IRAK1BP1: variants seen among roughly 807,000 people sequenced by gnomAD.
IRAK1BP1 encodes the protein interleukin 1 receptor associated kinase 1 binding protein 1.
IRAK1BP1 carries 24 observed loss-of-function variants against 28.0 expected under a neutral mutation model. That is an observed-to-expected ratio of 0.86 (90% CI 0.62 to 1.20). The LOEUF is 1.20. IRAK1BP1 is among the 50% of genes most tolerant of loss of function. The pLI is 0.00. For missense variants in IRAK1BP1, 336 were observed against 316.7 expected, an observed-to-expected ratio of 1.06 and a Z score of -0.46; for synonymous variants, 131 against 116.3, an observed-to-expected ratio of 1.13 and a Z score of -0.81.
At chr6:78,947,800 TTATGA>T (rs770571493), downstream of IRAK1BP1, 4 of 1,547,956 alleles carry the variant, frequency 2.6e-6, no homozygotes, top group South Asian at 4.6e-5. Context: ...ACAGGTGGTG[TTATGA>T]TTATTACTAC....
the IRAK1BP1 span, among the ~76,000 whole-genome samples, chr6:78,977,256 C>G: frequency 2.0e-5 from 3 of 151,208 alleles, no homozygotes; most frequent in Non-Finnish European, 4.4e-5. Context: ...AACCATCATT[C>G]TCAGTAAACT....
At chr6:78,923,437 C>G (rs569932866) in intron 4 of IRAK1BP1, among the ~76,000 whole-genome samples, 11 of 152,260 alleles carry the variant, frequency 7.2e-5, no homozygotes, top group Admixed American at 3.3e-4. Flanking sequence ...TAGAGACCTA[C>G]AAAGAGACTT....
At chr6:78,883,385 G>A (rs528547323) in intron 1 of IRAK1BP1, among the ~76,000 whole-genome samples, 2 of 151,934 alleles carry the variant, frequency 1.3e-5, no homozygotes, top group South Asian at 2.1e-4. Context: ...ACAGTAATGG[G>A]GTTTGAGAAT....
chr6:78,927,312 C>T (rs1397928085), intron 4 of IRAK1BP1, among the ~76,000 whole-genome samples: 1 of 152,004 alleles, frequency 6.6e-6, no homozygotes, highest in Non-Finnish European at 1.5e-5. Context: ...TATTGAGCAC[C>T]TTTTCATATG....
the IRAK1BP1 span, chr6:78,970,978 T>C: frequency 1.3e-6 from 1 of 798,930 alleles, no homozygotes; most frequent in Non-Finnish European, 2.0e-6. Context: ...AGAGAAAATC[T>C]AATGCCTTTT....
intron 4 of IRAK1BP1, among the ~76,000 whole-genome samples, chr6:78,923,987 C>G (rs923125922): frequency 6.6e-6 from 1 of 151,804 alleles, no homozygotes; most frequent in Admixed American, 6.6e-5. Context: ...AAATTGACAC[C>G]CTAACATTAC....
intron 4 of IRAK1BP1, among the ~76,000 whole-genome samples, chr6:78,917,134 CAAT>C (rs976036736): frequency 6.6e-6 from 1 of 151,902 alleles, no homozygotes; most frequent in Non-Finnish European, 1.5e-5. Context: ...AAAGGAAACT[CAAT>C]GATATCCAAG....
At chr6:78,945,384 C>T (rs750095261) in intron 4 of IRAK1BP1, 1 of 1,613,524 alleles carries the variant, frequency 6.2e-7, no homozygotes, top group Non-Finnish European at 8.5e-7. Flanking sequence ...ACTGGCTTTT[C>T]CTTTTCCATG....
At position 78,902,845 on chromosome 6, in the gene IRAK1BP1, C is replaced by CTGTA; in HGVS notation, c.*4512_*4515dup. 1.7e-6 allele frequency: 1 copy of CTGTA among 591,962 alleles called. No individual in the cohort carries two copies. The highest frequency in any genetic ancestry group is 3.0e-6 in the Non-Finnish European group (1 of 333,434). 36.7% of individuals were successfully genotyped at this position (591,962 alleles called of 1,614,324 possible). ...ATAAAATGCCCAGTATCTTACAAGA[C>CTGTA]TGTAGTTCACAGTGGGTAATTCAAA... On this transcript the variant is annotated 3_prime_UTR_variant, in exon 4 of 4. Transcript: ENST00000369940.
At chr6:78,978,531 C>G in the IRAK1BP1 span, 1 of 1,341,274 alleles carries the variant, frequency 7.5e-7, no homozygotes. Context: ...ATTTCAAGAG[C>G]TGTTAAAAAA....
At position 78,918,578 on chromosome 6, in the gene IRAK1BP1, TAAAAAA is replaced by T. The variant is rs58669467; in HGVS notation, c.*67+15485_*67+15490del. Among the ~76,000 whole-genome samples, 8 of 66,800 alleles carry T rather than the reference TAAAAAA, an allele frequency of 1.2e-4. No homozygotes were observed. The South Asian group carries it at 3.9e-3, about 32-fold the overall frequency. The allele number at this position is 66,800 out of a possible 152,430, so 43.8% of individuals were successfully genotyped here. On this transcript the variant is annotated intron_variant and NMD_transcript_variant, in intron 4 of 4. Transcript: ENST00000606868. ...AAAACAGACTTTAAGCCAAAAACAG[TAAAAAA>T]AAAAAAAAAAAAAAAAGGGACAAAG... is the stretch of plus-strand genomic sequence containing the variant.
Position 78,902,945 on chromosome 6 carries a change from A to G in IRAK1BP1, c.*4611A>G, listed in dbSNP as rs1404987235. The G allele has an allele frequency of 1.0e-6, 1 of 982,270 alleles. No individual in the cohort carries two copies. Among genetic ancestry groups the G allele is most frequent in the East Asian group, 2.6e-5 (1 of 38,384 alleles). The allele number at this position is 982,270 out of a possible 1,614,324, so 60.8% of individuals were successfully genotyped here. A position where few individuals can be genotyped will look rare whatever the true frequency, so the allele number is the denominator to read the frequency against. On this transcript the variant is annotated 3_prime_UTR_variant, in exon 4 of 4. Coordinates refer to ENST00000369940, the MANE Select transcript of IRAK1BP1 (RefSeq NM_001010844.4). ...AGGATTGTTTTCTACTATTAAAACA[A>G]TAAAACTCTTATAAACCTGTTTATC...
rs1773386631 is a variant in IRAK1BP1, at chr6:78,939,412, T to C, written c.*68-5996T>C. The C allele has an allele frequency of 2.0e-5, 3 of 151,884 alleles. No homozygotes were observed. In the South Asian group the frequency reaches 6.2e-4, roughly 31 times the overall value. 9.4% of individuals were successfully genotyped at this position (151,884 alleles called of 1,614,324 possible). ...TGCAATGAGACCACTGTATAAAACA[T>C]GATTGCATAAAAAGTGATTTGGCCT... is the stretch of plus-strand genomic sequence containing the variant. On this transcript the variant is annotated intron_variant and NMD_transcript_variant, in intron 4 of 4. Transcript: ENST00000606868.
At chr6:78,935,824 A>G (rs760663933) in intron 4 of IRAK1BP1, 4 of 799,420 alleles carry the variant, frequency 5.0e-6, no homozygotes, top group Non-Finnish European at 6.1e-6. Flanking sequence ...GTGATGCCAA[A>G]AAACTTTAAA....
chr6:78,918,739 A>C (rs1183834358), intron 4 of IRAK1BP1, among the ~76,000 whole-genome samples: 1 of 152,216 alleles, frequency 6.6e-6, no homozygotes, highest in Non-Finnish European at 1.5e-5. Flanking sequence ...AGACTTAGAC[A>C]GCCACACAAT....
intron 1 of IRAK1BP1, among the ~76,000 whole-genome samples, chr6:78,880,221 TG>T (rs1246332882): frequency 6.6e-6 from 1 of 152,230 alleles, no homozygotes; most frequent in Non-Finnish European, 1.5e-5. Flanking sequence ...GGACCAGAAA[TG>T]TTTCAGATTT....
intron 2 of IRAK1BP1, among the ~76,000 whole-genome samples, chr6:78,888,784 A>G (rs1267442979): frequency 2.6e-5 from 4 of 152,104 alleles, no homozygotes; most frequent in Non-Finnish European, 5.9e-5. Context: ...CTAGGACTAC[A>G]GACATGAGCC....
rs575249797 is a variant in IRAK1BP1 at position 78,923,195 on chromosome 6, C to T, written c.*67+20085C>T. 1.7e-3 allele frequency among the ~76,000 whole-genome samples: 256 copies of T among 151,774 alleles called. 1 individual carries two copies. Among genetic ancestry groups the T allele is most frequent in the Non-Finnish European group, 2.9e-3 (198 of 67,956 alleles). On this transcript the variant is annotated intron_variant and NMD_transcript_variant, in intron 4 of 4. Transcript: ENST00000606868. ...AGGAAACCCATCTCATGTGCAGAGA[C>T]ACACATAGGCTCAAAATAAACAGAA...
At chr6:78,941,029 A>G in intron 4 of IRAK1BP1, 1 of 1,613,964 alleles carries the variant, frequency 6.2e-7, no homozygotes, top group Non-Finnish European at 8.5e-7. Flanking sequence ...TACCTCCACG[A>G]TTCTTTTTCT....
Sources: gnomAD v4.1 joint callset for allele counts (sites outside exome capture counted in the v4.1 genomes callset) on GRCh38, gnomAD v4.1.1 for gene constraint, MANE v1.5 for transcripts, NCBI Gene and HGNC (gene_info 2026-07-23, HGNC 2026-07-21) for gene names.